Variants in NFATC2 observed in about 807,000 individuals in gnomAD.
NFATC2 encodes the protein nuclear factor of activated T-cells, cytoplasmic 2.
A neutral mutation model predicts 87.3 loss-of-function variants in NFATC2; 22 were observed. That is an observed-to-expected ratio of 0.25 (90% confidence interval 0.18 to 0.36). The LOEUF (loss-of-function observed/expected upper bound fraction) is 0.36. NFATC2 is among the 10% of genes least tolerant of loss of function. The probability of loss-of-function intolerance (pLI) is 1.00; values close to 1 mark genes in which losing one functional copy is unlikely to be tolerated. For synonymous variants in NFATC2, 565 were observed against 542.2 expected (o/e 1.04, Z -0.58); for missense variants, 1,149 against 1,259.1 (o/e 0.91, Z 1.32).
intron 3 of NFATC2, among the ~76,000 whole-genome samples, chr20:51,496,625 A>G (rs931817534): frequency 1.3e-5 from 2 of 152,176 alleles, no homozygotes; most frequent in Non-Finnish European, 2.9e-5. Context: ...CCTCTGCTTC[A>G]GTATTTATGG....
At chr20:51,453,736 A>C (rs750107770) in intron 6 of NFATC2, among the ~76,000 whole-genome samples, 1 of 152,190 alleles carries the variant, frequency 6.6e-6, no homozygotes, top group Non-Finnish European at 1.5e-5. Flanking sequence ...AAGAAGTACC[A>C]ATTCCACAAT....
In NFATC2 at chr20:51,390,221, A is replaced by G. The variant is rs1391378358; in HGVS notation, c.*1275T>C. ...TTCATGTTAGAATTTGAGTGCGGATAGGTCTTCAGGGGCAGAAGGGATCTT... is the reference window on the plus strand; with the variant it reads ...TTCATGTTAGAATTTGAGTGCGGATGGGTCTTCAGGGGCAGAAGGGATCTT... On this transcript the variant is annotated 3_prime_UTR_variant, in exon 11 of 11. Coordinates refer to ENST00000371564, the MANE Select transcript of NFATC2 (RefSeq NM_012340.5). 1 of 152,236 alleles carries G rather than the reference A, an allele frequency of 6.6e-6. No individual in the cohort carries two copies. Among genetic ancestry groups the G allele is most frequent in the African/African-American group, 2.4e-5 (1 of 41,460 alleles). 9.4% of individuals were successfully genotyped at this position (152,236 alleles called of 1,614,324 possible).
chr20:51,528,156 T>G (rs1400343020), intron 1 of NFATC2, among the ~76,000 whole-genome samples: 1 of 151,880 alleles, frequency 6.6e-6, no homozygotes, highest in Non-Finnish European at 1.5e-5. Flanking sequence ...TGTGTATGCT[T>G]AAGATTCATT....
At chr20:51,545,885 C>T (rs2076885682), upstream of NFATC2, among the ~76,000 whole-genome samples, 2 of 152,076 alleles carry the variant, frequency 1.3e-5, no homozygotes. Context: ...ATGTGTTGCA[C>T]GGATGAGTGG....
At position 51,398,733 on chromosome 20, in the gene NFATC2, G is replaced by GA. The variant is rs754495577; in HGVS notation, c.2723-4dup. 4.4e-6 allele frequency: 7 copies of GA among 1,601,210 alleles called. No homozygotes were observed. Among genetic ancestry groups the GA allele is most frequent in the Middle Eastern group, 1.7e-4 (1 of 6,024 alleles). On this transcript the variant is annotated splice_region_variant and splice_polypyrimidine_tract_variant and intron_variant, in intron 9 of 10. Transcript: ENST00000371564. ...GCTAAGGTGTGTGTCTATCAGCTCT[G>GA]AAAAAGATTTGCAAAATCATTTTTG...
chr20:51,420,359 G>A (rs1980696371), intron 9 of NFATC2, among the ~76,000 whole-genome samples: 1 of 152,188 alleles, frequency 6.6e-6, no homozygotes, highest in Non-Finnish European at 1.5e-5. Context: ...CACCCATGAA[G>A]CAATCTTGCC....
chr20:51,553,441 C>T (rs1415485464), intron 1 of NFATC2, among the ~76,000 whole-genome samples: 2 of 152,026 alleles, frequency 1.3e-5, no homozygotes, highest in African/African-American at 2.4e-5. Context: ...TTTGGGAGGC[C>T]GAGGTGGGCG....
chr20:51,442,505 T>C (rs1275831136), intron 6 of NFATC2, among the ~76,000 whole-genome samples: 1 of 152,168 alleles, frequency 6.6e-6, no homozygotes, highest in East Asian at 1.9e-4. Flanking sequence ...ATGTACCGCA[T>C]GATGCCGCTT....
chr20:51,540,646 A>ATTTTTTTTTTTTTTT (rs1382525277), intron 1 of NFATC2, among the ~76,000 whole-genome samples: 2 of 58,642 alleles, frequency 3.4e-5, no homozygotes, highest in African/African-American at 2.0e-4. Flanking sequence ...CAAAAACTGA[A>ATTTTTTTTTTTTTTT]GTTTTTTTTT....
At chr20:51,448,831 C>G (rs1227183408) in intron 6 of NFATC2, among the ~76,000 whole-genome samples, 3 of 152,120 alleles carry the variant, frequency 2.0e-5, no homozygotes, top group Non-Finnish European at 4.4e-5. Flanking sequence ...ATCACACAGG[C>G]TCTTGAAAGT....
chr20:51,491,963 T>A (rs977214736), intron 3 of NFATC2, among the ~76,000 whole-genome samples: 21 of 145,022 alleles, frequency 1.4e-4, no homozygotes, highest in Non-Finnish European at 2.7e-4. Flanking sequence ...ATGAGGACCC[T>A]GCTATGGTCT....
At chr20:51,434,470 G>T (rs1983259579) in intron 8 of NFATC2, among the ~76,000 whole-genome samples, 1 of 152,144 alleles carries the variant, frequency 6.6e-6, no homozygotes, top group South Asian at 2.1e-4. Flanking sequence ...TTAAAATTAT[G>T]CTTCCCCTGG....
intron 3 of NFATC2, among the ~76,000 whole-genome samples, chr20:51,508,637 C>A (rs1329566242): frequency 6.6e-6 from 1 of 152,062 alleles, no homozygotes; most frequent in Non-Finnish European, 1.5e-5. Flanking sequence ...AAGGCTACAT[C>A]AAGTCACCTC....
rs770852309 is a variant in NFATC2, at chr20:51,523,540, C to G, written c.701G>C (p.Arg234Pro). The G allele has an allele frequency of 1.9e-6, 3 of 1,613,452 alleles. No individual in the cohort carries two copies. Among genetic ancestry groups the G allele is most frequent in the Non-Finnish European group, 2.5e-6 (3 of 1,179,702 alleles). Residue 234 changes from arginine (R) to proline (P), a missense_variant, in exon 2 of 11, where the codon CGC becomes CCC. Arg to Pro is a moderately radical substitution (Grantham distance 103). Coordinates refer to ENST00000371564, the MANE Select transcript of NFATC2 (RefSeq NM_012340.5). The surrounding 1 kb of genome is among the most constrained non-coding windows in gnomAD (Gnocchi z 6.9). The stretch of plus-strand genomic sequence containing the variant: ...GGCCGGACGGGGCACGGGCGAGTGG[C>G]GGCCCAGGCAGCTGTCCTCGGCGAG... ...TSLAEDSCLG[R>P]HSPVPRPASR...
intron 5 of NFATC2, among the ~76,000 whole-genome samples, chr20:51,470,226 G>A (rs8119860): frequency 6.6e-6 from 1 of 152,078 alleles, no homozygotes; most frequent in Non-Finnish European, 1.5e-5. Flanking sequence ...GGGAAGGGGT[G>A]GGGGCAGCAT....
At chr20:51,455,784 A>G (rs1206076366) in intron 5 of NFATC2, among the ~76,000 whole-genome samples, 1 of 29,072 alleles carries the variant, frequency 3.4e-5, no homozygotes, top group Non-Finnish European at 6.0e-5. Flanking sequence ...GGATGGATGG[A>G]TGGATGAGTG....
Position 51,475,119 on chromosome 20 carries a change from C to T in NFATC2, c.1535+339G>A, listed in dbSNP as rs1457567997. ...GAGTATCTGGGATTACAGGCGCCCG[C>T]CACCATACCCAGCTAATTTTTGTAT... On this transcript the variant is annotated intron_variant, in intron 4 of 10. Transcript: ENST00000371564. 2.0e-5 allele frequency among the ~76,000 whole-genome samples: 3 copies of T among 151,888 alleles called. No individual in the cohort carries two copies. In the East Asian group the frequency reaches 5.8e-4, roughly 29 times the overall value.
intron 5 of NFATC2, among the ~76,000 whole-genome samples, chr20:51,460,596 G>A (rs750330775): frequency 6.6e-6 from 1 of 150,462 alleles, no homozygotes; most frequent in Non-Finnish European, 1.5e-5. Flanking sequence ...TGTGGTCACT[G>A]CTGTTCTCGG....
chr20:51,446,781 C>G (rs150831428), intron 6 of NFATC2, among the ~76,000 whole-genome samples: 1 of 152,362 alleles, frequency 6.6e-6, no homozygotes, highest in East Asian at 1.9e-4. Context: ...AGAGCAGCTT[C>G]GTGTCCCAGC....
Sources: allele counts gnomAD v4.1 joint callset (sites outside exome capture counted in the v4.1 genomes callset), GRCh38; gene constraint gnomAD v4.1.1; non-coding constraint Gnocchi (gnomAD v3.1); transcripts MANE v1.5; gene names NCBI Gene and HGNC (gene_info 2026-07-23, HGNC 2026-07-21).